The following NOMO1 variants were observed in gnomAD, a reference collection of about 807,000 sequenced individuals.
The protein encoded by NOMO1 is NODAL modulator 1, also known as nodal modulator 3.
A neutral mutation model predicts 133.8 loss-of-function variants in NOMO1; 40 were observed. The observed-to-expected ratio is 0.30, with a 90% CI of 0.23 to 0.39. The LOEUF is 0.39. NOMO1 is among the 10% of genes least tolerant of loss of function. The probability of loss-of-function intolerance (pLI) is 1.00; values close to 1 mark genes in which losing one functional copy is unlikely to be tolerated. For synonymous variants in NOMO1, 236 were observed against 570.5 expected, an observed-to-expected ratio of 0.41 and a Z score of 8.36; for missense variants, 462 against 1,419.9, an observed-to-expected ratio of 0.33 and a Z score of 10.84.
At chr16:14,879,877 G>C (rs1964217418) in intron 23 of NOMO1, 138 bp from the exon 24 acceptor site, 1 of 1,568,254 alleles carries the variant, frequency 6.4e-7, no homozygotes, top group South Asian at 1.2e-5. Flanking sequence ...TGATTATAGA[G>C]AGAGGGTTAC....
Position 14,868,960 on chromosome 16 carries a change from A to G in NOMO1, c.1894+325A>G, listed in dbSNP as rs1964042793. Among the ~76,000 whole-genome samples the G allele has an allele frequency of 6.9e-5, 10 of 144,746 alleles. No homozygotes were observed. In the South Asian group the frequency reaches 2.2e-3, roughly 31 times the overall value. The allele number at this position is 144,746 out of a possible 152,430, so 95.0% of individuals were successfully genotyped here. ...TTTTTTTCTCTTTTTTTTTTTTGAG[A>G]TGGAGTCTTGCTCTGTCACCCAGGC... On this transcript the variant is annotated intron_variant, in intron 16 of 30. Transcript: ENST00000287667.
chr16:14,881,514 T>G, intron 24 of NOMO1, 30 bp from the exon 25 acceptor site: 2 of 1,603,890 alleles, frequency 1.2e-6, no homozygotes, highest in Non-Finnish European at 1.7e-6. Context: ...CATGAGAATA[T>G]CTCATTCGTG....
intron 27 of NOMO1, among the ~76,000 whole-genome samples, chr16:14,884,837 C>T (rs550236370): frequency 6.6e-6 from 1 of 152,160 alleles, no homozygotes; most frequent in Non-Finnish European, 1.5e-5. Flanking sequence ...TTAAAATTTT[C>T]TCTGGAGTGG....
rs545678571 is a variant in NOMO1, at chr16:14,871,495, T to C, written c.1895-126T>C. ...GCCTGCCCAGTATTTCTGATCCCAT[T>C]ATTGCAGATCTGCGATACGTTTGAG... On this transcript the variant is annotated intron_variant, in intron 16 of 30. Coordinates refer to ENST00000287667, the MANE Select transcript of NOMO1 (RefSeq NM_014287.4). 5 of 930,434 alleles carry C rather than the reference T, an allele frequency of 5.4e-6. No individual in the cohort carries two copies. The East Asian group carries it at 1.3e-4, about 24-fold the overall frequency. The allele number at this position is 930,434 out of a possible 1,614,324, so 57.6% of individuals were successfully genotyped here. A position where few individuals can be genotyped will look rare whatever the true frequency, so the allele number is the denominator to read the frequency against.
At chr16:14,866,507 T>C (rs768012370) in intron 14 of NOMO1, 48 bp from the exon 15 acceptor site, 11 of 1,609,674 alleles carry the variant, frequency 6.8e-6, no homozygotes, top group Non-Finnish European at 6.8e-6. Context: ...TGGAGGGAGG[T>C]GGTGTGCTCC....
chr16:14,861,343 CA>C (rs1963920448), intron 11 of NOMO1, among the ~76,000 whole-genome samples: 1 of 151,524 alleles, frequency 6.6e-6, no homozygotes, highest in Non-Finnish European at 1.5e-5. Flanking sequence ...CTTTTTCTAC[CA>C]CCCTTTTGGT....
intron 9 of NOMO1, among the ~76,000 whole-genome samples, chr16:14,856,243 A>C (rs1442654083): frequency 6.6e-6 from 1 of 151,928 alleles, no homozygotes; most frequent in Non-Finnish European, 1.5e-5. Context: ...GAAGATACTA[A>C]AATGGGTTAG....
intron 4 of NOMO1, among the ~76,000 whole-genome samples, chr16:14,845,086 A>G (rs1257750195): frequency 6.6e-6 from 1 of 151,594 alleles, no homozygotes; most frequent in Non-Finnish European, 1.5e-5. Context: ...CAGTGGTGCA[A>G]TCTTGACTCA....
intron 3 of NOMO1, among the ~76,000 whole-genome samples, chr16:14,843,515 A>C (rs957523731): frequency 6.6e-6 from 1 of 151,622 alleles, no homozygotes; most frequent in Non-Finnish European, 1.5e-5. Context: ...CCTAACCTAC[A>C]CTTGGTATCG....
rs1964167007 is a variant in NOMO1, at chr16:14,876,711, A to T, written c.2564A>T (p.Lys855Met). The change falls in exon 22 of 31, where the codon AAG (lysine) becomes ATG (methionine). Residue 855 changes from lysine to methionine, a missense_variant. By Grantham distance (95) the Lys-to-Met change is moderately conservative. Transcript: ENST00000287667. ...CTGGAGTACACGGTGACCTCACAGA[A>T]GGAGGGCTATGTTCTGACTGCGGTG... ...SDLEYTVTSQ[K>M]EGYVLTAVEG... The T allele has an allele frequency of 6.2e-7, 1 of 1,610,890 alleles. No homozygotes were observed. Among genetic ancestry groups the T allele is most frequent in the East Asian group, 2.2e-5 (1 of 44,816 alleles).
chr16:14,838,206 C>G (rs1288382431), intron 1 of NOMO1, among the ~76,000 whole-genome samples: 1 of 152,042 alleles, frequency 6.6e-6, no homozygotes, highest in Non-Finnish European at 1.5e-5. Context: ...TAGATGGTTT[C>G]TAATCTGAAA....
intron 11 of NOMO1, among the ~76,000 whole-genome samples, chr16:14,860,618 C>A: frequency 6.6e-6 from 1 of 151,796 alleles, no homozygotes; most frequent in South Asian, 2.1e-4. Context: ...AGAACACACC[C>A]ACAGGCCTGT....
At chr16:14,878,492 T>C (rs1597110880) in intron 22 of NOMO1, among the ~76,000 whole-genome samples, 3 of 35,106 alleles carry the variant, frequency 8.5e-5, no homozygotes, top group East Asian at 9.3e-4. Flanking sequence ...AGACCCTGTC[T>C]CAAAAAAAAA....
chr16:14,856,309 A>G (rs143449337), intron 9 of NOMO1, among the ~76,000 whole-genome samples: 2 of 152,204 alleles, frequency 1.3e-5, no homozygotes, highest in East Asian at 3.9e-4. Context: ...ACTGCAGAGA[A>G]AGCACCGGTG....
Position 14,857,620 on chromosome 16 carries a change from G to T in NOMO1, c.1185G>T (p.Pro395=). ...YFETVTIKIA[P]NTPQLADIIA... ...AAACGGTCACCATCAAAATTGCACC[G>T]AACACACCTCAGCTGGCTGACATTA... The change falls in exon 11 of 31, where the codon CCG becomes CCT. Residue 395 remains proline, a synonymous_variant. Transcript: ENST00000287667. 1 of 1,613,440 alleles carries T rather than the reference G, an allele frequency of 6.2e-7. No homozygotes were observed. Among genetic ancestry groups the T allele is most frequent in the Non-Finnish European group, 8.5e-7 (1 of 1,179,808 alleles).
rs1181596409 is a variant in NOMO1, at chr16:14,833,791, G to T, written c.-61G>T. The T allele has an allele frequency of 1.4e-5, 6 of 426,844 alleles. No individual in the cohort carries two copies. Among genetic ancestry groups the T allele is most frequent in the Non-Finnish European group, 2.0e-5 (5 of 244,616 alleles). The allele number at this position is 426,844 out of a possible 1,614,324, so 26.4% of individuals were successfully genotyped here. A position where few individuals can be genotyped will look rare whatever the true frequency, so the allele number is the denominator to read the frequency against. On this transcript the variant is annotated 5_prime_UTR_variant, in exon 1 of 31. Coordinates refer to ENST00000287667, the MANE Select transcript of NOMO1 (RefSeq NM_014287.4). ...CTAGGAGGAGGAAGGAGCCTGCGGC[G>T]TGCAGTGTGAGGGGCGGGACCCGGC... is the stretch of plus-strand genomic sequence containing the variant.
intron 9 of NOMO1, among the ~76,000 whole-genome samples, chr16:14,855,488 G>T (rs1435764332): frequency 1.3e-5 from 2 of 151,818 alleles, no homozygotes; most frequent in Non-Finnish European, 2.9e-5. Context: ...ACATTTGAAA[G>T]TACTGTGTTA....
chr16:14,889,545 AC>A (rs1278438703), intron 29 of NOMO1, among the ~76,000 whole-genome samples: 2 of 151,908 alleles, frequency 1.3e-5, no homozygotes, highest in African/African-American at 2.4e-5. Flanking sequence ...AAGAAAAAAA[AC>A]AAAACAAAAC....
chr16:14,884,549 T>C, intron 27 of NOMO1, 67 bp downstream of exon 27: 2 of 1,608,454 alleles, frequency 1.2e-6, no homozygotes, highest in Non-Finnish European at 1.7e-6. Context: ...ACGAATGGGA[T>C]GTTTTTGGGT....
Sources: allele counts gnomAD v4.1 joint callset (sites outside exome capture counted in the v4.1 genomes callset), GRCh38; gene constraint gnomAD v4.1.1; transcripts MANE v1.5; gene names NCBI Gene and HGNC (gene_info 2026-07-23, HGNC 2026-07-21).